Variants in SYTL3 observed in about 807,000 individuals in gnomAD.
The protein encoded by SYTL3 is synaptotagmin-like protein 3.
SYTL3 carries 88 observed loss-of-function variants against 82.1 expected under a neutral mutation model. That is an observed-to-expected ratio of 1.07 (90% CI 0.90 to 1.28). The LOEUF (loss-of-function observed/expected upper bound fraction) is 1.28. Ranked by LOEUF, SYTL3 falls within the 50% of genes most tolerant of loss-of-function variation. The pLI is 0.00. For synonymous variants in SYTL3, 311 were observed against 289.4 expected, an observed-to-expected ratio of 1.07 and a Z score of -0.76; for missense variants, 831 against 757.6, an observed-to-expected ratio of 1.10 and a Z score of -1.14.
chr6:158,688,228 G>A (rs995012365), intron 6 of SYTL3, among the ~76,000 whole-genome samples: 1 of 152,188 alleles, frequency 6.6e-6, no homozygotes, highest in Non-Finnish European at 1.5e-5. Context: ...AGATAACTCT[G>A]TGATGAACGT....
intron 6 of SYTL3, among the ~76,000 whole-genome samples, chr6:158,705,945 A>C (rs912992950): frequency 7.2e-5 from 11 of 152,144 alleles, no homozygotes; most frequent in African/African-American, 2.7e-4. Flanking sequence ...TTCCATGGCC[A>C]GCACACTGCA....
At chr6:158,669,772 T>C (rs981975050) in intron 5 of SYTL3, among the ~76,000 whole-genome samples, 6 of 152,172 alleles carry the variant, frequency 3.9e-5, no homozygotes, top group African/African-American at 1.4e-4. Context: ...AATAAGATCT[T>C]GGAATTTATC....
intron 11 of SYTL3, among the ~76,000 whole-genome samples, chr6:158,736,537 C>T (rs185363287): frequency 2.0e-4 from 31 of 151,890 alleles, no homozygotes; most frequent in Admixed American, 3.9e-4. Context: ...GCCTGTAATC[C>T]CAGCACTTTG....
intron 11 of SYTL3, among the ~76,000 whole-genome samples, chr6:158,733,454 G>A (rs1352871653): frequency 6.6e-6 from 1 of 152,012 alleles, no homozygotes; most frequent in African/African-American, 2.4e-5. Flanking sequence ...AGCCTCCCTA[G>A]TAACTGGAAC....
intron 6 of SYTL3, among the ~76,000 whole-genome samples, chr6:158,704,502 C>T (rs1462303688): frequency 6.6e-6 from 1 of 152,272 alleles, no homozygotes; most frequent in Non-Finnish European, 1.5e-5. Flanking sequence ...TGAGGCAGAA[C>T]TGCCCGTGGG....
chr6:158,698,979 A>T (rs999043553), intron 6 of SYTL3, among the ~76,000 whole-genome samples: 1 of 152,198 alleles, frequency 6.6e-6, no homozygotes, highest in Non-Finnish European at 1.5e-5. Context: ...AGGTGGCCAG[A>T]GGGAAGGCCG....
intron 2 of SYTL3, among the ~76,000 whole-genome samples, chr6:158,658,084 G>A (rs1788915055): frequency 6.6e-6 from 1 of 152,010 alleles, no homozygotes; most frequent in African/African-American, 2.4e-5. Context: ...AGTAGAGACG[G>A]GGTTTCACTG....
chr6:158,694,348 T>A (rs1044740327), intron 6 of SYTL3, among the ~76,000 whole-genome samples: 16 of 151,810 alleles, frequency 1.1e-4, no homozygotes, highest in African/African-American at 2.2e-4. Flanking sequence ...CAGGCTGGAG[T>A]GCAGTGGAGT....
At chr6:158,687,918 C>T (rs1031237620) in intron 6 of SYTL3, among the ~76,000 whole-genome samples, 5 of 152,220 alleles carry the variant, frequency 3.3e-5, no homozygotes, top group African/African-American at 1.2e-4. Context: ...TCCCAAACTA[C>T]TGTAAATTAC....
intron 12 of SYTL3, 29 bp from the exon 13 acceptor site, chr6:158,751,899 A>T (rs1583479841): frequency 1.3e-6 from 2 of 1,540,150 alleles, no homozygotes. Flanking sequence ...CTGAGTTCTC[A>T]CTCTGTCCCC....
chr6:158,758,301 G>A (rs1411862000), intron 14 of SYTL3, among the ~76,000 whole-genome samples: 3 of 152,144 alleles, frequency 2.0e-5, no homozygotes, highest in Non-Finnish European at 2.9e-5. Flanking sequence ...AGCTGGGTGT[G>A]GTGGTGCACG....
At position 158,745,556 on chromosome 6, in the gene SYTL3, A is replaced by T. The variant is rs369874729; in HGVS notation, c.932A>T (p.Glu311Val). 7.4e-6 allele frequency: 12 copies of T among 1,613,798 alleles called. No homozygotes were observed. The African/African-American group carries it at 1.5e-4, about 20-fold the overall frequency. Residue 311 changes from glutamate (E) to valine (V), a missense_variant, in exon 12 of 18, where the codon GAA becomes GTA. Transcript: ENST00000611299. ...FDNANVTGEI[E>V]FAIHYCFKTH... is the part of the protein sequence containing the mutation. Reference sequence around the variant, plus strand: ...AATGCTAATGTCACTGGAGAAATAGAATTTGCCATTCATTATTGCTTCAAA... The same window carrying T: ...AATGCTAATGTCACTGGAGAAATAGTATTTGCCATTCATTATTGCTTCAAA...
chr6:158,715,147 C>A (rs896945558), intron 9 of SYTL3, among the ~76,000 whole-genome samples: 3 of 152,164 alleles, frequency 2.0e-5, no homozygotes, highest in Admixed American at 6.5e-5. Flanking sequence ...TATTTTCCCA[C>A]CCACCCCCTT....
At chr6:158,653,137 T>C (rs1339829015) in intron 2 of SYTL3, among the ~76,000 whole-genome samples, 1 of 152,240 alleles carries the variant, frequency 6.6e-6, no homozygotes, top group Non-Finnish European at 1.5e-5. Context: ...TTTAAGCCTA[T>C]GAATAGGGAA....
At chr6:158,667,845 C>T (rs1329940352) in intron 5 of SYTL3, among the ~76,000 whole-genome samples, 3 of 152,114 alleles carry the variant, frequency 2.0e-5, no homozygotes, top group African/African-American at 7.2e-5. Context: ...TTCCAGAAGA[C>T]ATTTAAGATA....
At chr6:158,749,404 A>G (rs1788088325) in intron 12 of SYTL3, among the ~76,000 whole-genome samples, 1 of 148,588 alleles carries the variant, frequency 6.7e-6, no homozygotes, top group African/African-American at 2.4e-5. Flanking sequence ...AAAAAAAAAA[A>G]AAAAAAGAAA....
intron 3 of SYTL3, among the ~76,000 whole-genome samples, chr6:158,662,133 G>A (rs1354066507): frequency 6.6e-6 from 1 of 152,080 alleles, no homozygotes; most frequent in Non-Finnish European, 1.5e-5. Context: ...TTTTTTTGAA[G>A]CCTAGCAAAG....
intron 10 of SYTL3, among the ~76,000 whole-genome samples, chr6:158,722,762 G>GGTTTTTTTT (rs1784256992): frequency 4.9e-5 from 4 of 80,894 alleles, no homozygotes; most frequent in African/African-American, 5.4e-5. Flanking sequence ...TCTCTTTTCT[G>GGTTTTTTTT]TTTTTTTTTT....
chr6:158,660,484 G>C (rs1344413809), intron 2 of SYTL3, among the ~76,000 whole-genome samples: 1 of 152,192 alleles, frequency 6.6e-6, no homozygotes, highest in Non-Finnish European at 1.5e-5. Context: ...GCCCACAGGC[G>C]GGGGTTTGGG....
Sources: gnomAD v4.1 joint callset for allele counts (sites outside exome capture counted in the v4.1 genomes callset) on GRCh38, gnomAD v4.1.1 for gene constraint, MANE v1.5 for transcripts, NCBI Gene and HGNC (gene_info 2026-07-23, HGNC 2026-07-21) for gene names.